The following HECTD4 variants were observed in gnomAD, a reference collection of about 807,000 sequenced individuals.
HECTD4 encodes HECT domain E3 ubiquitin protein ligase 4, also known as probable E3 ubiquitin-protein ligase HECTD4.
Under a neutral mutation model 471.5 loss-of-function variants are expected in HECTD4, and 114 were observed. That is an observed-to-expected ratio of 0.24 (90% CI 0.21 to 0.28). HECTD4 has a LOEUF of 0.28. HECTD4 is among the 10% of genes least tolerant of loss of function. The pLI, the probability that HECTD4 is intolerant of heterozygous loss-of-function variation, is 1.00. For synonymous variants in HECTD4, 2,012 were observed against 2,256.0 expected (o/e 0.89, Z 3.07); for missense variants, 3,866 against 5,651.5 (o/e 0.68, Z 10.13).
intron 7 of HECTD4, among the ~76,000 whole-genome samples, chr12:112,288,174 C>G (rs1335931652): frequency 6.6e-6 from 1 of 151,432 alleles, no homozygotes; most frequent in East Asian, 1.9e-4. Context: ...ACTAAAAATA[C>G]AAAATTAGCT....
chr12:112,231,853 A>G (rs1477755064), intron 38 of HECTD4, 138 bp from the exon 39 acceptor site: 2 of 740,940 alleles, frequency 2.7e-6, no homozygotes, highest in Non-Finnish European at 4.3e-6. Flanking sequence ...TTATATGTAG[A>G]GTAAAATTTC....
chr12:112,180,801 C>T (rs568291728), intron 62 of HECTD4, among the ~76,000 whole-genome samples: 25 of 152,236 alleles, frequency 1.6e-4, no homozygotes, highest in African/African-American at 5.3e-4. Context: ...GGGGGCAAAA[C>T]GCACGCCAAT....
intron 66 of HECTD4, 22 bp from the exon 67 acceptor site, chr12:112,172,883 G>T (rs1566060039): frequency 6.2e-7 from 1 of 1,608,146 alleles, no homozygotes; most frequent in South Asian, 1.1e-5. Context: ...GACAGGGGGA[G>T]AGGGGCAAAG....
intron 66 of HECTD4, among the ~76,000 whole-genome samples, chr12:112,175,022 G>A (rs980309728): frequency 3.9e-5 from 6 of 152,302 alleles, no homozygotes; most frequent in African/African-American, 1.4e-4. Flanking sequence ...ATTTAGCCCT[G>A]AAGCCCTGGC....
At chr12:112,363,354 C>T (rs1020868208) in intron 1 of HECTD4, among the ~76,000 whole-genome samples, 2 of 151,448 alleles carry the variant, frequency 1.3e-5, no homozygotes, top group African/African-American at 4.8e-5. Flanking sequence ...CCTCCCATCT[C>T]GGCCTCCCAG....
intron 2 of HECTD4, among the ~76,000 whole-genome samples, chr12:112,318,314 CA>C (rs1462268136): frequency 2.6e-5 from 4 of 151,648 alleles, no homozygotes; most frequent in Non-Finnish European, 5.9e-5. Flanking sequence ...AAAAGAAAAG[CA>C]ACTCCAAGCA....
chr12:112,162,251 T>C lies in HECTD4; in HGVS notation c.*136A>G, dbSNP rs1008248658. 1 of 940,338 alleles carries C rather than the reference T, an allele frequency of 1.1e-6. No homozygotes were observed. The highest frequency in any genetic ancestry group is 1.6e-6 in the Non-Finnish European group (1 of 614,760). 58.2% of individuals were successfully genotyped at this position (940,338 alleles called of 1,614,324 possible). A position where few individuals can be genotyped will look rare whatever the true frequency, so the allele number is the denominator to read the frequency against. The stretch of plus-strand genomic sequence containing the variant: ...TTAAGTCTTCCAGGAGGCCCTGGAA[T>C]GTGGACGAAAGTTTGGAAAAGCAAA... On this transcript the variant is annotated 3_prime_UTR_variant, in exon 76 of 76. Transcript: ENST00000682272. This position sits in a 1 kb window ranked among gnomAD's most constrained non-coding sequence, Gnocchi z 5.2.
At chr12:112,175,985 C>T (rs544187176) in intron 65 of HECTD4, 126 bp from the exon 66 acceptor site, 21 of 1,236,438 alleles carry the variant, frequency 1.7e-5, no homozygotes, top group Non-Finnish European at 2.3e-5. Context: ...CTCTCCCTCC[C>T]GTAACTCTGG....
At chr12:112,249,200 C>T (rs1472118255) in intron 25 of HECTD4, among the ~76,000 whole-genome samples, 2 of 151,878 alleles carry the variant, frequency 1.3e-5, no homozygotes, top group African/African-American at 4.8e-5. Flanking sequence ...ACTAAAAACA[C>T]AAAATTAGCC....
At chr12:112,334,371 C>T (rs1221680864) in intron 1 of HECTD4, among the ~76,000 whole-genome samples, 1 of 149,660 alleles carries the variant, frequency 6.7e-6, no homozygotes, top group Non-Finnish European at 1.5e-5. Context: ...GGCCTAAGGA[C>T]ATGAATAGAC....
chr12:112,179,479 C>G lies in HECTD4; in HGVS notation c.10988-82G>C. The G allele has an allele frequency of 1.6e-6, 2 of 1,266,674 alleles. No individual in the cohort carries two copies. The highest frequency in any genetic ancestry group is 2.2e-6 in the Non-Finnish European group (2 of 895,108). The allele number at this position is 1,266,674 out of a possible 1,614,324, so 78.5% of individuals were successfully genotyped here. A position where few individuals can be genotyped will look rare whatever the true frequency, so the allele number is the denominator to read the frequency against. ...CCTGCGAGCATTCTGTTTCCAAACA[C>G]TGTTTGAAAGGGGCAGTGGATGGAC... On this transcript the variant is annotated intron_variant, in intron 62 of 75. Coordinates refer to ENST00000682272, the MANE Select transcript of HECTD4 (RefSeq NM_001388303.1). This position sits in a 1 kb window ranked among gnomAD's most constrained non-coding sequence, Gnocchi z 4.3.
intron 3 of HECTD4, 80 bp from the exon 4 acceptor site, chr12:112,313,227 T>C (rs2035405899): frequency 8.4e-7 from 1 of 1,196,670 alleles, no homozygotes; most frequent in African/African-American, 1.5e-5. Context: ...CCCCAAAGAG[T>C]AGAAACCAAA....
At chr12:112,270,191 T>C (rs768248577) in intron 12 of HECTD4, 36 bp downstream of exon 12, 73 of 1,567,882 alleles carry the variant, frequency 4.7e-5, no homozygotes, top group Non-Finnish European at 6.2e-5. Flanking sequence ...TTTCCTTTTC[T>C]CTATCATCTT....
At chr12:112,170,085 C>T (rs1427400881) in intron 69 of HECTD4, 1 of 581,664 alleles carries the variant, frequency 1.7e-6, no homozygotes, top group Non-Finnish European at 3.0e-6. Flanking sequence ...CTGATCAGAG[C>T]AAAGCCTGCC....
rs531032926 is a variant in HECTD4, at chr12:112,167,647, G to A, written c.12313-109C>T. The stretch of plus-strand genomic sequence containing the variant: ...TGTGGCAGGCAGGAGAGAAGTCACT[G>A]CAAGCTCCCAGAGCTTGCCCATCCA... On this transcript the variant is annotated intron_variant, in intron 71 of 75. Transcript: ENST00000682272. 269 of 1,057,144 alleles carry A rather than the reference G, an allele frequency of 2.5e-4. 2 individuals carry two copies. The African/African-American group carries it at 3.8e-3, about 15-fold the overall frequency. 65.5% of individuals were successfully genotyped at this position (1,057,144 alleles called of 1,614,324 possible).
intron 1 of HECTD4, among the ~76,000 whole-genome samples, chr12:112,343,477 GA>G (rs1162556203): frequency 6.6e-6 from 1 of 152,112 alleles, no homozygotes; most frequent in Non-Finnish European, 1.5e-5. Flanking sequence ...TTGTATTAGA[GA>G]AAAAACTGAG....
At chr12:112,341,511 G>A (rs2036054011) in intron 1 of HECTD4, among the ~76,000 whole-genome samples, 1 of 152,106 alleles carries the variant, frequency 6.6e-6, no homozygotes, top group African/African-American at 2.4e-5. Flanking sequence ...TTATGCCACT[G>A]AATCTTGCCC....
At chr12:112,276,554 T>C (rs1413374056) in intron 9 of HECTD4, among the ~76,000 whole-genome samples, 1 of 152,110 alleles carries the variant, frequency 6.6e-6, no homozygotes, top group Non-Finnish European at 1.5e-5. Context: ...TTCAAGCAAT[T>C]CTCCTGCCTC....
intron 7 of HECTD4, among the ~76,000 whole-genome samples, chr12:112,284,952 C>A (rs2034720260): frequency 6.6e-6 from 1 of 152,140 alleles, no homozygotes; most frequent in Admixed American, 6.6e-5. Flanking sequence ...CCACCCCAGC[C>A]TCTCGAGTAG....
Sources: gnomAD v4.1 joint callset for allele counts (sites outside exome capture counted in the v4.1 genomes callset) on GRCh38, gnomAD v4.1.1 for gene constraint, Gnocchi (gnomAD v3.1) non-coding constraint, MANE v1.5 for transcripts, NCBI Gene and HGNC (gene_info 2026-07-23, HGNC 2026-07-21) for gene names.